The following GFI1B variants were observed in gnomAD, a reference collection of about 807,000 sequenced individuals.
The protein encoded by GFI1B is growth factor independent 1B transcriptional repressor.
GFI1B carries 20 observed loss-of-function variants against 35.3 expected under a neutral mutation model. The observed-to-expected ratio is 0.57, with a 90% confidence interval of 0.40 to 0.82. The LOEUF (loss-of-function observed/expected upper bound fraction) is 0.82, where lower values mean the gene tolerates loss of function less well. GFI1B is among the 40% of genes least tolerant of loss of function. The pLI, the probability that GFI1B is intolerant of heterozygous loss-of-function variation, is 0.00. For missense variants in GFI1B, 430 were observed against 446.3 expected (o/e 0.96, Z 0.33); for synonymous variants, 178 against 177.6 (o/e 1.00, Z -0.02).
At position 132,986,732 on chromosome 9, in the gene GFI1B, C is replaced by T. The variant is rs140302929; in HGVS notation, c.54C>T (p.Pro18=). The T allele has an allele frequency of 1.5e-5, 24 of 1,613,180 alleles. No homozygotes were observed. In the Admixed American group the frequency reaches 2.2e-4, roughly 15 times the overall value. ...KSKKAHTYHQ[P]RVQEDEPLWP... is the part of the protein sequence containing the mutation. ...AGAAGGCTCACACCTACCACCAGCC[C>T]CGTGTGCAGGAAGATGAACCGCTCT... The change falls in exon 2 of 7, where the codon CCC becomes CCT. Residue 18 remains proline, a synonymous_variant. Coordinates refer to ENST00000372122, the MANE Select transcript of GFI1B (RefSeq NM_001377304.1).
chr9:132,948,641 C>T (rs550380278), intron 1 of GFI1B, among the ~76,000 whole-genome samples: 4 of 152,378 alleles, frequency 2.6e-5, no homozygotes, highest in South Asian at 2.1e-4. Context: ...GGGCAACCCC[C>T]GCAGGATGGG....
chr9:132,958,194 A>G (rs561308511), intron 1 of GFI1B, among the ~76,000 whole-genome samples: 1 of 152,278 alleles, frequency 6.6e-6, no homozygotes, highest in South Asian at 2.1e-4. Context: ...GTTTAGAAAC[A>G]GGATGCAGTA....
At chr9:132,988,123 G>A in intron 3 of GFI1B, 74 bp from the exon 4 acceptor site, 3 of 1,409,302 alleles carry the variant, frequency 2.1e-6, no homozygotes, top group Admixed American at 3.4e-5. Context: ...TGGAATTGCA[G>A]GCATGAGCCA....
At chr9:132,979,298 G>A (rs999672656) in intron 1 of GFI1B, among the ~76,000 whole-genome samples, 1 of 143,850 alleles carries the variant, frequency 7.0e-6, no homozygotes, top group Non-Finnish European at 1.5e-5. Flanking sequence ...ACTCTGGAGC[G>A]CAGTGGTGCG....
At chr9:132,962,640 T>A (rs1042615724) in intron 1 of GFI1B, 1 of 497,978 alleles carries the variant, frequency 2.0e-6, no homozygotes, top group Non-Finnish European at 4.0e-6. Context: ...AAAGGAGATA[T>A]TGAAGAAGAA....
chr9:132,982,198 T>C (rs1358909897), intron 1 of GFI1B, among the ~76,000 whole-genome samples: 3 of 152,212 alleles, frequency 2.0e-5, no homozygotes, highest in Non-Finnish European at 4.4e-5. Flanking sequence ...TCACTGAAGG[T>C]CAACGAATTC....
rs751665736 is a variant in GFI1B, at chr9:132,988,240, A to G, written c.282A>G (p.Pro94=). The G allele has an allele frequency of 1.9e-6, 3 of 1,613,784 alleles. No homozygotes were observed. In the African/African-American group the frequency reaches 4.0e-5, roughly 22 times the overall value. ...CCCGACCCCAGGATGGGGACTCTCC[A>G]CTGTCCGACTCACCCCCATTCTACA... ...VLSRPQDGDS[P]LSDSPPFYKP... is the part of the protein sequence containing the mutation. The change falls in exon 4 of 7, where the codon CCA becomes CCG. Residue 94 remains proline, a synonymous_variant. Transcript: ENST00000372122.
At position 132,945,553 on chromosome 9, in the gene GFI1B, C is replaced by A. The variant is rs999551602; in HGVS notation, c.-817C>A. On this transcript the variant is annotated 5_prime_UTR_variant, in exon 1 of 11. Coordinates refer to the GFI1B transcript ENST00000339463. The stretch of plus-strand genomic sequence containing the variant: ...CTCACTAGATAGGTGGCCTTTATTG[C>A]GAGGCTGAGTATGATGGGCTCCATC... The A allele has an allele frequency of 3.2e-5, 5 of 153,932 alleles. No individual in the cohort carries two copies. In the South Asian group the frequency reaches 1.0e-3, roughly 31 times the overall value. The allele number at this position is 153,932 out of a possible 1,614,324, so 9.5% of individuals were successfully genotyped here.
intron 1 of GFI1B, among the ~76,000 whole-genome samples, chr9:132,956,114 T>C (rs56176721): frequency 4.0e-4 from 61 of 152,350 alleles, no homozygotes; most frequent in African/African-American, 1.4e-3. Flanking sequence ...TGACCACACA[T>C]GTGGCCACTA....
rs1849215158 is a variant in GFI1B at position 132,989,677 on chromosome 9, G to T, written c.649-65G>T. 6 of 1,385,028 alleles carry T rather than the reference G, an allele frequency of 4.3e-6. No homozygotes were observed. The East Asian group carries it at 1.4e-4, about 33-fold the overall frequency. 85.8% of individuals were successfully genotyped at this position (1,385,028 alleles called of 1,614,324 possible). A position where few individuals can be genotyped will look rare whatever the true frequency, so the allele number is the denominator to read the frequency against. ...CCAATGGAGTGTCCTGTTCCGCAGG[G>T]GATCCCGGCCGGGTCCAGTCCTGAG... On this transcript the variant is annotated intron_variant, in intron 5 of 6. Transcript: ENST00000372122. This position sits in a 1 kb window ranked among gnomAD's most constrained non-coding sequence, Gnocchi z 6.2.
intron 4 of GFI1B, 66 bp from the exon 5 acceptor site, chr9:132,988,995 T>TG: frequency 6.6e-7 from 1 of 1,513,246 alleles, no homozygotes. Context: ...GAAGAGACCA[T>TG]GGGACCCCAG....
intron 1 of GFI1B, among the ~76,000 whole-genome samples, 163 bp downstream of exon 1, chr9:132,979,004 G>A (rs76396041): frequency 0.01 from 1,566 of 152,336 alleles, 28 homozygotes; most frequent in African/African-American, 0.035. Flanking sequence ...AACAGGGTGA[G>A]GACGTAGCCT....
intron 1 of GFI1B, chr9:132,953,143 C>T (rs1848227625): frequency 6.6e-6 from 1 of 152,056 alleles, no homozygotes; most frequent in Non-Finnish European, 1.5e-5. Context: ...TCCATCTGTT[C>T]TTTGTTCCTT....
intron 1 of GFI1B, among the ~76,000 whole-genome samples, chr9:132,981,801 G>A (rs1203025698): frequency 6.6e-6 from 1 of 151,772 alleles, no homozygotes; most frequent in Non-Finnish European, 1.5e-5. Flanking sequence ...CACCCAGGCT[G>A]GAGTGCAGTG....
chr9:132,981,319 C>T (rs1848813202), intron 1 of GFI1B, among the ~76,000 whole-genome samples: 2 of 152,194 alleles, frequency 1.3e-5, no homozygotes, highest in Non-Finnish European at 2.9e-5. Flanking sequence ...GTCTCCCCTT[C>T]CAATGATTTT....
At chr9:132,980,070 G>A (rs980449047) in intron 1 of GFI1B, among the ~76,000 whole-genome samples, 2 of 152,222 alleles carry the variant, frequency 1.3e-5, no homozygotes, top group African/African-American at 2.4e-5. Context: ...ACAAGAAAAT[G>A]CGTAATTCCC....
chr9:132,959,309 C>T (rs1303977941), intron 1 of GFI1B, among the ~76,000 whole-genome samples: 1 of 151,398 alleles, frequency 6.6e-6, no homozygotes, highest in Non-Finnish European at 1.5e-5. Context: ...CGGCACTTCT[C>T]CTTCCTGCCG....
In GFI1B at chr9:132,990,873, T is replaced by C. The variant is rs777086025; in HGVS notation, c.816T>C (p.Gly272=). ...TGTGCTGCGCTGCCCTCCCTGCAGG[T>C]GAGAAGCCGCACAAGTGCCAGGTGT... ...DMKKHTYIHT[G]EKPHKCQVCG... Residue 272 remains glycine (G), a splice_region_variant and synonymous_variant, in exon 7 of 7, where the codon GGT becomes GGC. Coordinates refer to ENST00000372122, the MANE Select transcript of GFI1B (RefSeq NM_001377304.1). 6.2e-7 allele frequency: 1 copy of C among 1,613,234 alleles called. No individual in the cohort carries two copies. The highest frequency in any genetic ancestry group is 1.1e-5 in the South Asian group (1 of 91,064).
At chr9:132,972,880 C>T (rs1010729925) in intron 2 of GFI1B, 2 of 152,188 alleles carry the variant, frequency 1.3e-5, no homozygotes, top group African/African-American at 4.8e-5. Context: ...GCCGGGCTCC[C>T]GCACGTCGAC....
Sources: allele counts gnomAD v4.1 joint callset (sites outside exome capture counted in the v4.1 genomes callset), GRCh38; gene constraint gnomAD v4.1.1; non-coding constraint Gnocchi (gnomAD v3.1); transcripts MANE v1.5; gene names NCBI Gene and HGNC (gene_info 2026-07-23, HGNC 2026-07-21).